Variants in AIG1 observed in about 807,000 individuals in gnomAD.
The protein encoded by AIG1 is androgen induced 1, also known as androgen-induced gene 1 protein.
AIG1 carries 23 observed loss-of-function variants against 31.4 expected under a neutral mutation model. The ratio of observed to expected loss-of-function variants is 0.73; its 90% CI spans 0.53 to 1.04. AIG1 has a LOEUF of 1.04. Ranked by LOEUF, AIG1 falls within the 50% of genes least tolerant of loss-of-function variation. The pLI, the probability that AIG1 is intolerant of heterozygous loss-of-function variation, is 0.00. For missense variants in AIG1, 274 were observed against 295.0 expected, an observed-to-expected ratio of 0.93 and a Z score of 0.52; for synonymous variants, 100 against 110.5, an observed-to-expected ratio of 0.90 and a Z score of 0.60.
intron 1 of AIG1, among the ~76,000 whole-genome samples, chr6:143,066,946 G>A (rs1253419016): frequency 2.6e-5 from 4 of 152,164 alleles, no homozygotes; most frequent in African/African-American, 4.8e-5. Context: ...ATGGTAGGAG[G>A]CTTGCTTAAA....
At chr6:143,263,952 A>G (rs903542795) in intron 3 of AIG1, among the ~76,000 whole-genome samples, 2 of 152,230 alleles carry the variant, frequency 1.3e-5, no homozygotes, top group African/African-American at 2.4e-5. Flanking sequence ...TCTTTAGCAT[A>G]GATTCCTAGG....
intron 3 of AIG1, among the ~76,000 whole-genome samples, chr6:143,257,857 T>C (rs1454812499): frequency 6.6e-6 from 1 of 152,162 alleles, no homozygotes; most frequent in Non-Finnish European, 1.5e-5. Context: ...CAATACTATA[T>C]GTGGAGGATG....
At chr6:143,068,827 G>A (rs1450499045) in intron 1 of AIG1, among the ~76,000 whole-genome samples, 1 of 152,042 alleles carries the variant, frequency 6.6e-6, no homozygotes, top group Non-Finnish European at 1.5e-5. Flanking sequence ...TATGTAGTCA[G>A]ATATCAGAAA....
At chr6:143,157,587 A>G (rs1384877964) in intron 2 of AIG1, among the ~76,000 whole-genome samples, 1 of 151,982 alleles carries the variant, frequency 6.6e-6, no homozygotes, top group Non-Finnish European at 1.5e-5. Flanking sequence ...TATCTGGTCC[A>G]CAGTTCTGCA....
At chr6:143,266,044 G>A (rs1038810250) in intron 3 of AIG1, among the ~76,000 whole-genome samples, 2 of 152,172 alleles carry the variant, frequency 1.3e-5, no homozygotes, top group African/African-American at 2.4e-5. Context: ...GATTTGAAGG[G>A]CAATAAGAAT....
rs1247326414 is a variant in AIG1, at chr6:143,328,057, A to G, written c.516-5225A>G. ...GAATGCATAAGAGAAAACAGTTTGGAAACCAAGATTTAAGCAAATCCAAAA... is the reference window on the plus strand; with the variant it reads ...GAATGCATAAGAGAAAACAGTTTGGGAACCAAGATTTAAGCAAATCCAAAA... On this transcript the variant is annotated intron_variant, in intron 4 of 5. Transcript: ENST00000357847. The surrounding 1 kb of genome is among the most constrained non-coding windows in gnomAD (Gnocchi z 4.0). Among the ~76,000 whole-genome samples, 2 of 152,228 alleles carry G rather than the reference A, an allele frequency of 1.3e-5. No homozygotes were observed. Among genetic ancestry groups the G allele is most frequent in the Admixed American group, 1.3e-4 (2 of 15,280 alleles).
At chr6:143,172,684 G>T (rs942923613) in intron 3 of AIG1, among the ~76,000 whole-genome samples, 7 of 152,140 alleles carry the variant, frequency 4.6e-5, no homozygotes, top group African/African-American at 1.7e-4. Context: ...TTAGCTGTAA[G>T]TCTGTCTGGC....
intron 1 of AIG1, 26 bp from the exon 2 acceptor site, chr6:143,136,809 T>G (rs1240650884): frequency 2.2e-6 from 3 of 1,346,432 alleles, no homozygotes; most frequent in African/African-American, 1.5e-5. Context: ...TCTTAATGAC[T>G]CATACCGGCT....
rs1776541122 is a variant in AIG1 at position 143,325,555 on chromosome 6, G to T, written c.516-7727G>T. On this transcript the variant is annotated intron_variant, in intron 4 of 5. Transcript: ENST00000357847. The surrounding 1 kb of genome is among the most constrained non-coding windows in gnomAD (Gnocchi z 4.3). ...TCCCTTACAGCATTCCCTCTCTCAGGAAATGGCAGCTGTTTCCACCCTGCT... is the reference window on the plus strand; with the variant it reads ...TCCCTTACAGCATTCCCTCTCTCAGTAAATGGCAGCTGTTTCCACCCTGCT... Among the ~76,000 whole-genome samples, 1 of 152,104 alleles carries T rather than the reference G, an allele frequency of 6.6e-6. No individual in the cohort carries two copies. Among genetic ancestry groups the T allele is most frequent in the African/African-American group, 2.4e-5 (1 of 41,416 alleles).
At chr6:143,237,653 T>G (rs557521065) in intron 3 of AIG1, among the ~76,000 whole-genome samples, 1 of 152,344 alleles carries the variant, frequency 6.6e-6, no homozygotes, top group African/African-American at 2.4e-5. Context: ...CCACCAACTT[T>G]GGAAAAACAA....
At chr6:143,257,656 A>G (rs1795462078) in intron 3 of AIG1, among the ~76,000 whole-genome samples, 1 of 152,200 alleles carries the variant, frequency 6.6e-6, no homozygotes, top group Non-Finnish European at 1.5e-5. Context: ...GGCTCAGCAA[A>G]TAAAGTTGCC....
At chr6:143,188,481 T>TC (rs1235643187) in intron 3 of AIG1, 2 of 985,280 alleles carry the variant, frequency 2.0e-6, no homozygotes, top group Non-Finnish European at 2.4e-6. Context: ...CTGGAAGGTC[T>TC]CCTTCAGCTT....
chr6:143,119,709 C>T (rs1312130783), intron 1 of AIG1, among the ~76,000 whole-genome samples: 2 of 152,168 alleles, frequency 1.3e-5, no homozygotes, highest in East Asian at 1.9e-4. Context: ...AAGAAGCCTT[C>T]GTTCCTGTCT....
At chr6:143,342,345 GC>G, downstream of AIG1, 1 of 668,004 alleles carries the variant, frequency 1.5e-6, no homozygotes, top group Non-Finnish European at 2.7e-6. Context: ...TGCGGTTCTA[GC>G]CCCGCCGCAG....
chr6:143,324,798 GA>G (rs1472624275), intron 4 of AIG1, among the ~76,000 whole-genome samples: 1 of 152,220 alleles, frequency 6.6e-6, no homozygotes, highest in Non-Finnish European at 1.5e-5. Context: ...GTGAATGATA[GA>G]GCAAGTTTTT....
intron 3 of AIG1, among the ~76,000 whole-genome samples, chr6:143,196,185 AT>A (rs1376432856): frequency 6.6e-6 from 1 of 152,322 alleles, no homozygotes; most frequent in East Asian, 1.9e-4. Flanking sequence ...ATTGATCTGA[AT>A]GGTAATCTGT....
At chr6:143,126,919 G>A (rs549830634) in intron 1 of AIG1, among the ~76,000 whole-genome samples, 67 of 151,666 alleles carry the variant, frequency 4.4e-4, no homozygotes, top group Non-Finnish European at 7.7e-4. Context: ...TCCCCTACTC[G>A]GGACTATAGT....
intron 2 of AIG1, among the ~76,000 whole-genome samples, chr6:143,157,168 A>T (rs932902279): frequency 1.3e-5 from 2 of 152,246 alleles, no homozygotes; most frequent in Non-Finnish European, 2.9e-5. Flanking sequence ...AACCTTTTTG[A>T]TTAAAAAAGT....
At chr6:143,324,689 G>A (rs1439999233) in intron 4 of AIG1, among the ~76,000 whole-genome samples, 1 of 152,172 alleles carries the variant, frequency 6.6e-6, no homozygotes, top group African/African-American at 2.4e-5. Flanking sequence ...TAGCACATGT[G>A]CATTCAGTGT....
Sources: allele counts gnomAD v4.1 joint callset (sites outside exome capture counted in the v4.1 genomes callset), GRCh38; gene constraint gnomAD v4.1.1; non-coding constraint Gnocchi (gnomAD v3.1); transcripts MANE v1.5; gene names NCBI Gene and HGNC (gene_info 2026-07-23, HGNC 2026-07-21).